Variants in CRHR2 observed in about 807,000 individuals in gnomAD.
The protein encoded by CRHR2 is corticotropin releasing hormone receptor 2, also known as corticotropin-releasing hormone receptor 2.
Under a neutral mutation model 57.9 loss-of-function variants are expected in CRHR2, and 53 were observed. That is an observed-to-expected ratio of 0.92 (90% CI 0.73 to 1.15). The LOEUF is 1.15. Ranked by LOEUF, CRHR2 falls within the 50% of genes most tolerant of loss-of-function variation. CRHR2 has a pLI of 0.00. For synonymous variants in CRHR2, 213 were observed against 220.9 expected (o/e 0.96, Z 0.32); for missense variants, 532 against 542.6 (o/e 0.98, Z 0.19).
Position 30,665,632 on chromosome 7 carries a change from T to C in CRHR2, c.323A>G (p.Lys108Arg), listed in dbSNP as rs1784162866. The C allele has an allele frequency of 6.4e-7, 1 of 1,556,312 alleles. No individual in the cohort carries two copies. Among genetic ancestry groups the C allele is most frequent in the South Asian group, 1.2e-5 (1 of 84,362 alleles). ...CEPILDDKQR[K>R]YDLHYRIALV... ...GGCGATGCGGTAGTGCAGGTCATACTTCCTCTGCTGGACAGACAGACATGG... is the reference window on the plus strand; with the variant it reads ...GGCGATGCGGTAGTGCAGGTCATACCTCCTCTGCTGGACAGACAGACATGG... The change falls in exon 4 of 12, where the codon AAG becomes AGG. Residue 108 changes from lysine (K) to arginine (R), a missense_variant. Lys to Arg is a conservative substitution (Grantham distance 26). Transcript: ENST00000471646. This position sits in a 1 kb window ranked among gnomAD's most constrained non-coding sequence, Gnocchi z 4.5.
chr7:30,699,213 T>G (rs545535838), intron 1 of CRHR2, among the ~76,000 whole-genome samples: 5 of 152,334 alleles, frequency 3.3e-5, no homozygotes, highest in African/African-American at 1.2e-4. Flanking sequence ...TCTCCCCTAC[T>G]TCTTCAGCTC....
At chr7:30,658,877 A>G (rs983472290) in intron 8 of CRHR2, among the ~76,000 whole-genome samples, 3 of 152,246 alleles carry the variant, frequency 2.0e-5, no homozygotes, top group Non-Finnish European at 4.4e-5. Context: ...GCAGAAATGC[A>G]GCTGTGAGCT....
chr7:30,663,610 A>G (rs1327167447), intron 5 of CRHR2, among the ~76,000 whole-genome samples: 1 of 152,146 alleles, frequency 6.6e-6, no homozygotes, highest in African/African-American at 2.4e-5. Context: ...GAGCAAGGCC[A>G]CCCTTCCCCA....
intron 2 of CRHR2, among the ~76,000 whole-genome samples, chr7:30,669,229 C>G (rs1304124902): frequency 6.6e-6 from 1 of 152,254 alleles, no homozygotes; most frequent in East Asian, 1.9e-4. Context: ...GTGCTAGGCC[C>G]CTTCCTTCAG....
chr7:30,664,744 GA>G (rs1242530519), intron 5 of CRHR2, among the ~76,000 whole-genome samples: 1 of 152,094 alleles, frequency 6.6e-6, no homozygotes, highest in Non-Finnish European at 1.5e-5. Context: ...GGAGCAGCCA[GA>G]AAGTCAGTTG....
intron 2 of CRHR2, among the ~76,000 whole-genome samples, chr7:30,672,123 G>A (rs185221483): frequency 5.3e-5 from 8 of 152,314 alleles, no homozygotes; most frequent in Admixed American, 2.6e-4. Context: ...CCGATATTCC[G>A]ACCTTGGCCA....
At position 30,667,316 on chromosome 7, in the gene CRHR2, A is replaced by G; in HGVS notation, c.230-3T>C. ...CAAGCATTCTCGATAGGCATTCCCT[A>G]CAAAAAATGCCAACTGCCAAGAGTC... On this transcript the variant is annotated splice_polypyrimidine_tract_variant and splice_region_variant and intron_variant, in intron 2 of 11. Transcript: ENST00000471646. 6.2e-7 allele frequency: 1 copy of G among 1,614,014 alleles called. No individual in the cohort carries two copies. Among genetic ancestry groups the G allele is most frequent in the South Asian group, 1.1e-5 (1 of 91,072 alleles).
chr7:30,699,450 G>T (rs1785123517), intron 1 of CRHR2, among the ~76,000 whole-genome samples: 2 of 152,026 alleles, frequency 1.3e-5, no homozygotes, highest in Non-Finnish European at 2.9e-5. Context: ...GGGGCAGGAG[G>T]TGGCTCTCTG....
intron 2 of CRHR2, among the ~76,000 whole-genome samples, chr7:30,680,719 GCAGCCA>G (rs1784670322): frequency 6.6e-6 from 1 of 152,146 alleles, no homozygotes; most frequent in East Asian, 1.9e-4. Flanking sequence ...CTCAGCTGGT[GCAGCCA>G]GGAGAGTGCG....
At chr7:30,670,517 G>T (rs1784323434) in intron 2 of CRHR2, among the ~76,000 whole-genome samples, 1 of 152,194 alleles carries the variant, frequency 6.6e-6, no homozygotes, top group Non-Finnish European at 1.5e-5. Context: ...AGCGGGAGGG[G>T]ACTTCCCTCT....
intron 1 of CRHR2, among the ~76,000 whole-genome samples, chr7:30,690,658 C>G (rs1183516131): frequency 1.3e-5 from 2 of 151,722 alleles, no homozygotes; most frequent in African/African-American, 2.4e-5. Context: ...TGGGCTCAGT[C>G]CATTTCCTGT....
chr7:30,682,236 G>T lies in CRHR2; in HGVS notation c.45C>A (p.Ser15Arg). Residue 15 changes from serine (S) to arginine (R), a missense_variant, in exon 1 of 12, where the codon AGC becomes AGA. By Grantham distance (110) the Ser-to-Arg change is moderately radical. Coordinates refer to ENST00000471646, the MANE Select transcript of CRHR2 (RefSeq NM_001883.5). The part of the protein sequence containing the change: ...LLHSLLEANC[S>R]LALAEELLLD... ...AGAGCAGCTCTTCAGCCAGCGCCAG[G>T]CTGCAGTTGGCCTCCAGCAGGCTGT... The T allele has an allele frequency of 6.3e-7, 1 of 1,589,730 alleles. No individual in the cohort carries two copies. The highest frequency in any genetic ancestry group is 8.5e-7 in the Non-Finnish European group (1 of 1,175,386).
chr7:30,671,928 GT>G (rs1447861231), intron 2 of CRHR2, among the ~76,000 whole-genome samples: 1 of 152,176 alleles, frequency 6.6e-6, no homozygotes, highest in Non-Finnish European at 1.5e-5. Context: ...AGTAGTAGTG[GT>G]GGTGAGGGAG....
At position 30,665,229 on chromosome 7, in the gene CRHR2, C is replaced by T; in HGVS notation, c.426-42G>A. 6.5e-7 allele frequency: 1 copy of T among 1,550,172 alleles called. No homozygotes were observed. The highest frequency in any genetic ancestry group is 8.9e-7 in the Non-Finnish European group (1 of 1,122,252). On this transcript the variant is annotated intron_variant, in intron 4 of 11. Transcript: ENST00000471646. This position sits in a 1 kb window ranked among gnomAD's most constrained non-coding sequence, Gnocchi z 4.5. ...TCAGGGGTCAGCCAGGTTCAGGGGT[C>T]AACTGGGACTGGGTTCCCCCTGAGG...
chr7:30,654,550 G>A lies in CRHR2; in HGVS notation c.1095+489C>T. ...GCTTCTTCCCTGCGTCAGCTGCACT[G>A]GGGCTTTGGGCCTCATGATTGGCTT... On this transcript the variant is annotated intron_variant, in intron 11 of 11. Coordinates refer to ENST00000471646, the MANE Select transcript of CRHR2 (RefSeq NM_001883.5). 3 of 843,358 alleles carry A rather than the reference G, an allele frequency of 3.6e-6. No homozygotes were observed. The South Asian group carries it at 5.4e-5, about 15-fold the overall frequency. 52.2% of individuals were successfully genotyped at this position (843,358 alleles called of 1,614,324 possible). A position where few individuals can be genotyped will look rare whatever the true frequency, so the allele number is the denominator to read the frequency against.
intron 1 of CRHR2, among the ~76,000 whole-genome samples, chr7:30,690,978 G>T (rs1452888236): frequency 1.3e-5 from 2 of 152,178 alleles, no homozygotes; most frequent in Admixed American, 1.3e-4. Flanking sequence ...AACACTGGGG[G>T]CCATGGTCTT....
chr7:30,698,352 G>A (rs765096552), intron 1 of CRHR2: 1 of 152,294 alleles, frequency 6.6e-6, no homozygotes, highest in South Asian at 2.1e-4. Flanking sequence ...CACCTCTGGA[G>A]CAGCCAGCAG....
chr7:30,699,671 C>G, intron 1 of CRHR2: 1 of 272,542 alleles, frequency 3.7e-6, no homozygotes, highest in Non-Finnish European at 7.2e-6. Context: ...CTCATCCTGG[C>G]CAGCCTCACA....
intron 1 of CRHR2, among the ~76,000 whole-genome samples, chr7:30,689,727 A>G (rs1784924364): frequency 6.6e-6 from 1 of 152,224 alleles, no homozygotes. Context: ...GTCCCAGGCC[A>G]GGTAGGGATC....
Sources: allele counts gnomAD v4.1 joint callset (sites outside exome capture counted in the v4.1 genomes callset), GRCh38; gene constraint gnomAD v4.1.1; non-coding constraint Gnocchi (gnomAD v3.1); transcripts MANE v1.5; gene names NCBI Gene and HGNC (gene_info 2026-07-23, HGNC 2026-07-21).